Variants in ZNF787 observed in about 807,000 individuals in gnomAD.
The protein encoded by ZNF787 is zinc finger protein 787.
Under a neutral mutation model 16.9 loss-of-function variants are expected in ZNF787, and 7 were observed. That is an observed-to-expected ratio of 0.42 (90% CI 0.24 to 0.78). The LOEUF (loss-of-function observed/expected upper bound fraction) is 0.78. Among genes scored for constraint, ZNF787 ranks in the 30% least tolerant of loss-of-function variants. The pLI is 0.30. For missense variants in ZNF787, 551 were observed against 589.3 expected (o/e 0.94, Z 0.67); for synonymous variants, 345 against 270.9 (o/e 1.27, Z -2.69).
At chr19:56,099,795 C>T (rs1447419554) in intron 2 of ZNF787, among the ~76,000 whole-genome samples, 2 of 151,896 alleles carry the variant, frequency 1.3e-5, no homozygotes, top group Non-Finnish European at 2.9e-5. Flanking sequence ...CAGGGCCACG[C>T]AGGCTGGGGG....
chr19:56,101,039 C>T (rs1444725026), intron 2 of ZNF787, among the ~76,000 whole-genome samples: 1 of 144,512 alleles, frequency 6.9e-6, no homozygotes, highest in African/African-American at 2.6e-5. Context: ...AAGTCTGTCA[C>T]TGTCACATAG....
At chr19:56,098,224 G>A (rs577030509) in intron 2 of ZNF787, among the ~76,000 whole-genome samples, 37 of 152,290 alleles carry the variant, frequency 2.4e-4, no homozygotes, top group Admixed American at 1.8e-3. Flanking sequence ...GGACATGGCC[G>A]GGAGCTACCC....
intron 1 of ZNF787, among the ~76,000 whole-genome samples, chr19:56,110,422 A>G (rs975890009): frequency 1.8e-4 from 27 of 152,084 alleles, no homozygotes; most frequent in Admixed American, 1.6e-3. Context: ...TTGCACCTCT[A>G]TTAGAAAGTA....
chr19:56,100,174 CT>C (rs1986038676), intron 2 of ZNF787, among the ~76,000 whole-genome samples: 1 of 152,218 alleles, frequency 6.6e-6, no homozygotes. Context: ...CAAGGCCTCT[CT>C]GTGCTGAGTG....
chr19:56,094,336 T>TTG lies in ZNF787; in HGVS notation c.80-5246_80-5245dup, dbSNP rs1462003691. Among the ~76,000 whole-genome samples the TTG allele has an allele frequency of 5.9e-5, 9 of 151,926 alleles. No individual in the cohort carries two copies. The East Asian group carries it at 1.2e-3, about 20-fold the overall frequency. On this transcript the variant is annotated intron_variant, in intron 2 of 2. Coordinates refer to ENST00000610935, the MANE Select transcript of ZNF787 (RefSeq NM_001002836.4). ...CATGAGCCACCATACCTGGCTAATT[T>TTG]TGTGTGTGTGTGCTCTTAGTAGAGA...
rs569651331 is a variant in ZNF787, at chr19:56,087,954, T to C, written c.*69A>G. 9.8e-5 allele frequency: 127 copies of C among 1,293,676 alleles called. No individual in the cohort carries two copies. Among genetic ancestry groups the C allele is most frequent in the Middle Eastern group, 8.9e-4 (3 of 3,360 alleles). 80.1% of individuals were successfully genotyped at this position (1,293,676 alleles called of 1,614,324 possible). The stretch of plus-strand genomic sequence containing the variant: ...CCCGTCCGCTTCTCCCTGGGTCTCT[T>C]GGTCTTGCACGTCGTCGCTCCCGCC... On this transcript the variant is annotated 3_prime_UTR_variant, in exon 3 of 3. Coordinates refer to ENST00000610935, the MANE Select transcript of ZNF787 (RefSeq NM_001002836.4).
At chr19:56,090,507 G>A (rs759671474) in intron 2 of ZNF787, among the ~76,000 whole-genome samples, 6 of 151,954 alleles carry the variant, frequency 3.9e-5, no homozygotes, top group African/African-American at 7.3e-5. Context: ...TAGCATCGGC[G>A]CCACAGAGAA....
In ZNF787 at chr19:56,103,122, G is replaced by A. The variant is rs1301243585; in HGVS notation, c.79+17C>T. On this transcript the variant is annotated intron_variant, in intron 2 of 2. Coordinates refer to ENST00000610935, the MANE Select transcript of ZNF787 (RefSeq NM_001002836.4). Reference sequence around the variant, plus strand: ...GGGAGGCAGCGGGGTCGGCTGGGAAGGCCTCTGGCTGCTCACCTGGGTTCT... The same window carrying A: ...GGGAGGCAGCGGGGTCGGCTGGGAAAGCCTCTGGCTGCTCACCTGGGTTCT... 1 of 1,612,234 alleles carries A rather than the reference G, an allele frequency of 6.2e-7. No individual in the cohort carries two copies. Among genetic ancestry groups the A allele is most frequent in the Non-Finnish European group, 8.5e-7 (1 of 1,178,672 alleles).
chr19:56,103,631 C>T (rs184871786), intron 1 of ZNF787: 2 of 191,910 alleles, frequency 1.0e-5, no homozygotes, highest in Non-Finnish European at 2.1e-5. Context: ...GTGCTCATGC[C>T]AAACAGGGAC....
intron 2 of ZNF787, among the ~76,000 whole-genome samples, chr19:56,093,770 CTT>C (rs775320565): frequency 9.2e-5 from 14 of 152,224 alleles, no homozygotes; most frequent in Non-Finnish European, 1.6e-4. Context: ...GTCATGTTGA[CTT>C]TCCAAGTCTT....
chr19:56,102,113 C>A (rs535058381), intron 2 of ZNF787: 10 of 152,370 alleles, frequency 6.6e-5, no homozygotes, highest in African/African-American at 2.2e-4. Context: ...AGGTGCTTTA[C>A]AAAATCGATC....
chr19:56,105,887 G>GCT (rs1986285325), intron 1 of ZNF787, among the ~76,000 whole-genome samples: 2 of 88,222 alleles, frequency 2.3e-5, no homozygotes, highest in Non-Finnish European at 2.2e-5. Context: ...CATTCCCCCG[G>GCT]CCGCGCCCAC....
chr19:56,110,833 G>T (rs558551653), intron 1 of ZNF787, among the ~76,000 whole-genome samples: 2 of 152,302 alleles, frequency 1.3e-5, no homozygotes, highest in African/African-American at 4.8e-5. Context: ...CCTGCCCAGA[G>T]GCCAGCAGAG....
chr19:56,112,468 T>C (rs1234702623), intron 1 of ZNF787, among the ~76,000 whole-genome samples: 1 of 152,044 alleles, frequency 6.6e-6, no homozygotes, highest in Non-Finnish European at 1.5e-5. Context: ...CAAATGATTG[T>C]TATTATTGTT....
At chr19:56,094,375 T>C (rs61090677) in intron 2 of ZNF787, among the ~76,000 whole-genome samples, 4,015 of 151,852 alleles carry the variant, frequency 0.026, 178 homozygotes, top group African/African-American at 0.092. Context: ...GGTTTCTCCA[T>C]GTTGGCCAGG....
chr19:56,111,703 C>T (rs2029984910), intron 1 of ZNF787, among the ~76,000 whole-genome samples: 3 of 151,934 alleles, frequency 2.0e-5, no homozygotes, highest in Admixed American at 2.0e-4. Flanking sequence ...TGCTCTGCAT[C>T]CCAACTTCCT....
At chr19:56,105,942 G>A (rs575470983) in intron 1 of ZNF787, among the ~76,000 whole-genome samples, 67 of 135,492 alleles carry the variant, frequency 4.9e-4, no homozygotes, top group African/African-American at 1.7e-3. Flanking sequence ...GGCAGTCACC[G>A]CGCATTCCCC....
At chr19:56,118,622 C>A (rs776426161) in intron 1 of ZNF787, among the ~76,000 whole-genome samples, 1 of 152,160 alleles carries the variant, frequency 6.6e-6, no homozygotes, top group Non-Finnish European at 1.5e-5. Flanking sequence ...ACAGTGAGGA[C>A]CAGGCACTGG....
At chr19:56,113,534 G>C (rs2030043049) in intron 1 of ZNF787, among the ~76,000 whole-genome samples, 1 of 152,190 alleles carries the variant, frequency 6.6e-6, no homozygotes, top group African/African-American at 2.4e-5. Context: ...ACCATAACCA[G>C]GTGTGAAGTT....
Sources: gnomAD v4.1 joint callset for allele counts (sites outside exome capture counted in the v4.1 genomes callset) on GRCh38, gnomAD v4.1.1 for gene constraint, MANE v1.5 for transcripts, NCBI Gene and HGNC (gene_info 2026-07-23, HGNC 2026-07-21) for gene names.